Variants in NAV3 observed in about 807,000 individuals in gnomAD.
NAV3 encodes pore membrane and/or filament interacting like protein 1.
A neutral mutation model predicts 244.7 loss-of-function variants in NAV3; 87 were observed. The observed-to-expected ratio is 0.36, with a 90% confidence interval of 0.30 to 0.42. The LOEUF (loss-of-function observed/expected upper bound fraction) is 0.42, where lower values mean the gene tolerates loss of function less well. NAV3 is among the 20% of genes least tolerant of loss of function. The pLI is 1.00. For missense variants in NAV3, 2,663 were observed against 2,893.3 expected, an observed-to-expected ratio of 0.92 and a Z score of 1.83; for synonymous variants, 1,126 against 1,042.2, an observed-to-expected ratio of 1.08 and a Z score of -1.55.
chr12:78,107,927 C>T lies in NAV3; in HGVS notation c.2637-8845C>T, dbSNP rs559225273. On this transcript the variant is annotated intron_variant, in intron 12 of 39. Coordinates refer to ENST00000397909, the MANE Select transcript of NAV3 (RefSeq NM_001024383.2). The stretch of plus-strand genomic sequence containing the variant: ...AAAGGAACAAAAATATATAAGACAA[C>T]GAATAAACAACAATATAACAGGAAG... 5.3e-5 allele frequency among the ~76,000 whole-genome samples: 8 copies of T among 152,000 alleles called. No homozygotes were observed. The South Asian group carries it at 1.0e-3, about 20-fold the overall frequency.
At chr12:77,707,492 T>A (rs1314130127) in intron 2 of NAV3, among the ~76,000 whole-genome samples, 7 of 152,216 alleles carry the variant, frequency 4.6e-5, no homozygotes, top group African/African-American at 7.2e-5. Flanking sequence ...TTCAAGTCTT[T>A]GCTATTGTGA....
intron 3 of NAV3, among the ~76,000 whole-genome samples, chr12:77,954,272 G>A (rs1045880217): frequency 6.6e-6 from 1 of 152,094 alleles, no homozygotes; most frequent in Non-Finnish European, 1.5e-5. Flanking sequence ...TATTTATTGA[G>A]CCCCTACTTT....
intron 12 of NAV3, among the ~76,000 whole-genome samples, chr12:78,094,955 G>A (rs1052574398): frequency 3.3e-5 from 5 of 151,500 alleles, no homozygotes; most frequent in Non-Finnish European, 4.4e-5. Flanking sequence ...GCTGAGGCAG[G>A]AGAATCGCTT....
Position 78,051,015 on chromosome 12 carries a change from A to G in NAV3, c.2384A>G (p.Asn795Ser), listed in dbSNP as rs1245078681. The change falls in exon 11 of 40, where the codon AAC becomes AGC. Residue 795 changes from asparagine (N) to serine (S), a missense_variant. Around this residue, in one of 6 missense-constraint regions of NAV3, gnomAD observed 1,521 missense variants for 1,497.0 expected, o/e 1.02. Transcript: ENST00000397909. ...CGAGCTGCTGTCTCTAGGCTGGGAA[A>G]CATGTCACAGATTGACATGAGTGAG... ...LRRAAVSRLG[N>S]MSQIDMSEKA... The G allele has an allele frequency of 6.2e-7, 1 of 1,613,998 alleles. No individual in the cohort carries two copies.
intron 1 of NAV3, among the ~76,000 whole-genome samples, chr12:77,917,866 T>G (rs1262326726): frequency 6.6e-6 from 1 of 152,056 alleles, no homozygotes; most frequent in Non-Finnish European, 1.5e-5. Flanking sequence ...TCTATATTCT[T>G]GACTAGACGC....
intron 22 of NAV3, among the ~76,000 whole-genome samples, chr12:78,152,459 C>G (rs2139289136): frequency 6.6e-6 from 1 of 151,474 alleles, no homozygotes; most frequent in East Asian, 2.0e-4. Context: ...TTTACATATC[C>G]AGGAATTTGA....
intron 2 of NAV3, among the ~76,000 whole-genome samples, chr12:77,622,925 A>C (rs1164772785): frequency 1.3e-5 from 2 of 152,196 alleles, no homozygotes; most frequent in African/African-American, 4.8e-5. Context: ...GGTGCATAAA[A>C]TGCATATTTG....
intron 2 of NAV3, among the ~76,000 whole-genome samples, chr12:77,801,209 T>A (rs923642786): frequency 6.6e-6 from 1 of 151,952 alleles, no homozygotes; most frequent in Non-Finnish European, 1.5e-5. Flanking sequence ...CCTGGCAGAG[T>A]GGGTATCTCA....
At chr12:78,010,103 A>G (rs1279391819) in intron 8 of NAV3, among the ~76,000 whole-genome samples, 1 of 152,170 alleles carries the variant, frequency 6.6e-6, no homozygotes, top group Non-Finnish European at 1.5e-5. Flanking sequence ...TGAAGTCTAT[A>G]TATAAAGTAA....
chr12:77,874,928 A>T (rs1465032), intron 1 of NAV3, among the ~76,000 whole-genome samples: 22,665 of 152,014 alleles, frequency 0.15, 1,893 homozygotes, highest in African/African-American at 0.23. Context: ...GTACAGAAGT[A>T]TACATTAGAG....
intron 8 of NAV3, among the ~76,000 whole-genome samples, chr12:78,017,017 T>C (rs560957448): frequency 5.3e-5 from 8 of 152,200 alleles, no homozygotes; most frequent in Non-Finnish European, 1.2e-4. Context: ...TAGTAGTTAA[T>C]AGAGCAACAT....
chr12:77,995,744 T>A (rs1872249243), intron 6 of NAV3, among the ~76,000 whole-genome samples: 2 of 152,094 alleles, frequency 1.3e-5, no homozygotes, highest in African/African-American at 2.4e-5. Flanking sequence ...AAAATAATTC[T>A]CGAAAGACAA....
intron 8 of NAV3, among the ~76,000 whole-genome samples, chr12:78,009,043 T>C (rs1179399082): frequency 6.6e-6 from 1 of 152,246 alleles, no homozygotes; most frequent in African/African-American, 2.4e-5. Context: ...AGTGTAAATC[T>C]AGAACTGCTA....
chr12:77,874,863 T>C (rs1465031), intron 1 of NAV3, among the ~76,000 whole-genome samples: 22,671 of 152,004 alleles, frequency 0.15, 1,893 homozygotes, highest in African/African-American at 0.23. Flanking sequence ...ATTATTTTAT[T>C]CTGTATTTTT....
chr12:77,793,915 G>T (rs568427126), intron 2 of NAV3, among the ~76,000 whole-genome samples: 1 of 152,234 alleles, frequency 6.6e-6, no homozygotes, highest in East Asian at 1.9e-4. Context: ...TTCCATAATG[G>T]TTGAACTGAT....
intron 9 of NAV3, among the ~76,000 whole-genome samples, chr12:78,030,255 T>C (rs748542053): frequency 1.7e-4 from 26 of 152,202 alleles, no homozygotes; most frequent in Non-Finnish European, 2.9e-4. Flanking sequence ...AGATGTTTTC[T>C]ATATTAATGA....
At chr12:77,889,065 T>G (rs2731429) in intron 1 of NAV3, among the ~76,000 whole-genome samples, 1 of 152,100 alleles carries the variant, frequency 6.6e-6, no homozygotes, top group African/African-American at 2.4e-5. Flanking sequence ...ATGGTTTATT[T>G]TATGTGTCAA....
rs1334323158 is a variant in NAV3, at chr12:78,211,981, G to A, written c.*1464G>A. On this transcript the variant is annotated 3_prime_UTR_variant, in exon 40 of 40. Coordinates refer to ENST00000397909, the MANE Select transcript of NAV3 (RefSeq NM_001024383.2). ...TTTTATCCTGTTGGTGTTAAGAGGT[G>A]TTTCACTTGCTGAGATTTCCTGTAC... is the stretch of plus-strand genomic sequence containing the variant. 1 of 152,552 alleles carries A rather than the reference G, an allele frequency of 6.6e-6. No individual in the cohort carries two copies. Among genetic ancestry groups the A allele is most frequent in the African/African-American group, 2.4e-5 (1 of 41,424 alleles). 9.4% of individuals were successfully genotyped at this position (152,552 alleles called of 1,614,324 possible). A position where few individuals can be genotyped will look rare whatever the true frequency, so the allele number is the denominator to read the frequency against.
chr12:78,085,966 G>A (rs1240616106), intron 12 of NAV3, among the ~76,000 whole-genome samples: 3 of 152,070 alleles, frequency 2.0e-5, no homozygotes. Flanking sequence ...ATGTGTCATA[G>A]AAATTAAAAG....
Sources: gnomAD v4.1 joint callset for allele counts (sites outside exome capture counted in the v4.1 genomes callset) on GRCh38, gnomAD v4.1.1 for gene constraint, gnomAD v4.1.1 regional missense constraint, MANE v1.5 for transcripts, NCBI Gene and HGNC (gene_info 2026-07-23, HGNC 2026-07-21) for gene names.